Variants in DNAH6 observed in about 807,000 individuals in gnomAD.
The protein encoded by DNAH6 is dynein axonemal heavy chain 6.
A neutral mutation model predicts 491.4 loss-of-function variants in DNAH6; 340 were observed. The observed-to-expected ratio is 0.69, with a 90% CI of 0.63 to 0.76. The LOEUF is 0.76. Ranked by LOEUF, DNAH6 falls within the 30% of genes least tolerant of loss-of-function variation. DNAH6 has a pLI of 0.00. For missense variants in DNAH6, 4,443 were observed against 4,972.2 expected (o/e 0.89, Z 3.20); for synonymous variants, 1,603 against 1,686.1 (o/e 0.95, Z 1.21).
At position 84,757,019 on chromosome 2, in the gene DNAH6, G is replaced by A. The variant is rs561451160; in HGVS notation, c.10513-5736G>A. 3.9e-5 allele frequency among the ~76,000 whole-genome samples: 6 copies of A among 152,336 alleles called. No individual in the cohort carries two copies. In the South Asian group the frequency reaches 1.2e-3, roughly 32 times the overall value. On this transcript the variant is annotated intron_variant, in intron 63 of 76. Coordinates refer to ENST00000389394, the MANE Select transcript of DNAH6 (RefSeq NM_001370.2). Reference sequence around the variant, plus strand: ...GGGAAGAGATTGACCATTCTCTAATGATCCCGCAATCCAGACATGGGATTT... The same window carrying A: ...GGGAAGAGATTGACCATTCTCTAATAATCCCGCAATCCAGACATGGGATTT...
chr2:84,750,463 G>A (rs1673363537), intron 63 of DNAH6, among the ~76,000 whole-genome samples: 1 of 152,180 alleles, frequency 6.6e-6, no homozygotes, highest in African/African-American at 2.4e-5. Flanking sequence ...GGGATTACAA[G>A]TGTGAGCCAC....
At chr2:84,771,685 G>C (rs1423065838) in intron 64 of DNAH6, among the ~76,000 whole-genome samples, 1 of 152,076 alleles carries the variant, frequency 6.6e-6, no homozygotes, top group Admixed American at 6.6e-5. Flanking sequence ...AAAGTGCTGT[G>C]GGGGAAAGAG....
intron 51 of DNAH6, among the ~76,000 whole-genome samples, chr2:84,705,028 A>G (rs1010035219): frequency 1.3e-5 from 2 of 152,088 alleles, no homozygotes; most frequent in Non-Finnish European, 2.9e-5. Flanking sequence ...ATCGTTGAAC[A>G]TTTTTTATCT....
intron 65 of DNAH6, 111 bp downstream of exon 65, chr2:84,781,764 T>C (rs1231307098): frequency 2.3e-6 from 3 of 1,297,086 alleles, no homozygotes; most frequent in East Asian, 2.6e-5. Flanking sequence ...TTTCCATATA[T>C]GAAAGAGGAG....
chr2:84,535,190 C>T lies in DNAH6; in HGVS notation c.662+6024C>T, dbSNP rs115576147. On this transcript the variant is annotated intron_variant, in intron 4 of 76. Coordinates refer to ENST00000389394, the MANE Select transcript of DNAH6 (RefSeq NM_001370.2). ...AGGTCTACAATTCTCTTGAATACTT[C>T]ATGGTAATATGGATTTAATTTTGAC... 2.5e-3 allele frequency among the ~76,000 whole-genome samples: 384 copies of T among 151,972 alleles called. 2 individuals are homozygous for T. The highest frequency in any genetic ancestry group is 8.4e-3 in the African/African-American group (347 of 41,510).
chr2:84,637,152 G>A, intron 30 of DNAH6, 58 bp from the exon 31 acceptor site: 1 of 1,416,260 alleles, frequency 7.1e-7, no homozygotes, highest in African/African-American at 1.4e-5. Context: ...GTAATAATTA[G>A]GTGAAAAATT....
chr2:84,741,420 G>C (rs897791643), intron 62 of DNAH6, among the ~76,000 whole-genome samples: 1 of 151,972 alleles, frequency 6.6e-6, no homozygotes, highest in Non-Finnish European at 1.5e-5. Flanking sequence ...AGGATGACCT[G>C]GTCTCCCTGT....
chr2:84,637,287 C>T lies in DNAH6; in HGVS notation c.4731C>T (p.Gly1577=). 7 of 1,551,282 alleles carry T rather than the reference C, an allele frequency of 4.5e-6. No individual in the cohort carries two copies. The highest frequency in any genetic ancestry group is 6.1e-6 in the Non-Finnish European group (7 of 1,146,708). ...CAGCCTTCATCACAATGAATCCTGG[C>T]TATGCAGGGAGAACTGAATTGCCAG... ...TCAAFITMNP[G]YAGRTELPDN... is the part of the protein sequence containing the mutation. The change falls in exon 31 of 77, where the codon GGC becomes GGT. Residue 1577 remains glycine (G), a synonymous_variant. Coordinates refer to ENST00000389394, the MANE Select transcript of DNAH6 (RefSeq NM_001370.2).
At chr2:84,765,248 T>A (rs1674968917) in intron 64 of DNAH6, among the ~76,000 whole-genome samples, 1 of 151,998 alleles carries the variant, frequency 6.6e-6, no homozygotes, top group African/African-American at 2.4e-5. Context: ...GGAGGTTAGG[T>A]AATGAGAGAG....
chr2:84,620,966 A>G (rs2104399048), intron 24 of DNAH6, among the ~76,000 whole-genome samples: 1 of 152,356 alleles, frequency 6.6e-6, no homozygotes, highest in East Asian at 1.9e-4. Flanking sequence ...TGCAGTGCAT[A>G]TAGACTCCTC....
At chr2:84,485,317 C>T in the DNAH6 span, among the ~76,000 whole-genome samples, 1 of 151,970 alleles carries the variant, frequency 6.6e-6, no homozygotes. Flanking sequence ...TCAAACACAG[C>T]ATGGAAGTGG....
chr2:84,735,946 G>A (rs1699504313), intron 62 of DNAH6, among the ~76,000 whole-genome samples: 1 of 151,960 alleles, frequency 6.6e-6, no homozygotes, highest in Non-Finnish European at 1.5e-5. Flanking sequence ...CTTTGCCTAG[G>A]CCAATGTCTA....
chr2:84,565,185 CAGGGTGATACTAGCTT>C, intron 11 of DNAH6, among the ~76,000 whole-genome samples: 1 of 152,068 alleles, frequency 6.6e-6, no homozygotes, highest in South Asian at 2.1e-4. Flanking sequence ...ATATTGGTGT[CAGGGTGATACTAGCTT>C]AGTATTCAAT....
chr2:84,803,604 A>C (rs1679138701), intron 70 of DNAH6, among the ~76,000 whole-genome samples: 1 of 152,000 alleles, frequency 6.6e-6, no homozygotes, highest in Non-Finnish European at 1.5e-5. Flanking sequence ...CATTATGAAT[A>C]ATTCATAAAG....
chr2:84,559,081 AAAC>A (rs997112130), intron 11 of DNAH6, among the ~76,000 whole-genome samples: 1 of 152,206 alleles, frequency 6.6e-6, no homozygotes, highest in East Asian at 1.9e-4. Context: ...TTTTAAAAGC[AAAC>A]AACATTTTCC....
chr2:84,475,063 T>G, the DNAH6 span, among the ~76,000 whole-genome samples: 2 of 152,344 alleles, frequency 1.3e-5, no homozygotes, highest in African/African-American at 4.8e-5. Flanking sequence ...TAATAACTTA[T>G]TGAATTTCTC....
At chr2:84,759,319 G>A (rs1573723977) in intron 63 of DNAH6, among the ~76,000 whole-genome samples, 1 of 151,934 alleles carries the variant, frequency 6.6e-6, no homozygotes, top group Non-Finnish European at 1.5e-5. Context: ...ACCAGCCTGG[G>A]CAACATGGCA....
In DNAH6 at chr2:84,621,278, C is replaced by T. The variant is rs1166905774; in HGVS notation, c.3880C>T (p.Arg1294Cys). 4.5e-6 allele frequency: 7 copies of T among 1,551,488 alleles called. No individual in the cohort carries two copies. Among genetic ancestry groups the T allele is most frequent in the African/African-American group, 2.7e-5 (2 of 73,040 alleles). Residue 1294 changes from arginine (R) to cysteine (C), a missense_variant, in exon 25 of 77, where the codon CGC (arginine) becomes TGC (cysteine). Arg to Cys is a radical substitution (Grantham distance 180). Around this residue, in one of 3 missense-constraint regions of DNAH6, gnomAD observed 2,977 missense variants for 3,296.6 expected, o/e 0.90. Coordinates refer to ENST00000389394, the MANE Select transcript of DNAH6 (RefSeq NM_001370.2). ...AGAAGCCATGTTCACATCTCTGCGT[C>T]GCCTGTGCAAAGCTGCCATCGCTGA... ...VEEAMFTSLR[R>C]LCKAAIADYQ...
At chr2:84,641,894 A>T (rs1390651079) in intron 32 of DNAH6, 53 bp from the exon 33 acceptor site, 2 of 1,432,350 alleles carry the variant, frequency 1.4e-6, no homozygotes, top group African/African-American at 1.4e-5. Context: ...TTAGAAAATC[A>T]TGTTCAACCT....
Sources: gnomAD v4.1 joint callset for allele counts (sites outside exome capture counted in the v4.1 genomes callset) on GRCh38, gnomAD v4.1.1 for gene constraint, gnomAD v4.1.1 regional missense constraint, MANE v1.5 for transcripts, NCBI Gene and HGNC (gene_info 2026-07-23, HGNC 2026-07-21) for gene names.